Variants in LRSAM1 observed in about 807,000 individuals in gnomAD.
LRSAM1 encodes E3 ubiquitin-protein ligase LRSAM1.
A neutral mutation model predicts 118.1 loss-of-function variants in LRSAM1; 96 were observed. The observed-to-expected ratio is 0.81, with a 90% CI of 0.69 to 0.96. The LOEUF is 0.96. LRSAM1 is among the 40% of genes least tolerant of loss of function. The pLI, the probability that LRSAM1 is intolerant of heterozygous loss-of-function variation, is 0.00. For missense variants in LRSAM1, 804 were observed against 915.5 expected (o/e 0.88, Z 1.57); for synonymous variants, 322 against 364.2 (o/e 0.88, Z 1.32).
chr9:127,451,927 A>T lies in LRSAM1; in HGVS notation c.-188-2A>T, dbSNP rs545234557. 3 of 152,396 alleles carry T rather than the reference A, an allele frequency of 2.0e-5. No homozygotes were observed. The highest frequency in any genetic ancestry group is 7.2e-5 in the African/African-American group (3 of 41,574). 9.4% of individuals were successfully genotyped at this position (152,396 alleles called of 1,614,324 possible). A position where few individuals can be genotyped will look rare whatever the true frequency, so the allele number is the denominator to read the frequency against. ...TATGAGATTCTGAGTTTCTGTTCCC[A>T]GCACCTGCCTTTGAAGGAGACCAGA... On this transcript the variant is annotated splice_acceptor_variant, in intron 1 of 25. Transcript: ENST00000300417. LOFTEE classifies it low-confidence loss of function (5UTR_SPLICE).
intron 23 of LRSAM1, 146 bp from the exon 24 acceptor site, chr9:127,497,107 G>A (rs907576432): frequency 1.4e-5 from 11 of 765,220 alleles, no homozygotes; most frequent in East Asian, 5.4e-5. Flanking sequence ...CATCCTGACC[G>A]TGGGCCCCGC....
chr9:127,478,906 C>T, intron 11 of LRSAM1, 28 bp from the exon 12 acceptor site: 1 of 1,613,902 alleles, frequency 6.2e-7, no homozygotes, highest in Non-Finnish European at 8.5e-7. Context: ...GCCACCCTCT[C>T]TTGACCACTG....
In LRSAM1 at chr9:127,487,944, G is replaced by A. The variant is rs1227237316; in HGVS notation, c.1347+181G>A. On this transcript the variant is annotated intron_variant, in intron 18 of 25. Transcript: ENST00000300417. Reference sequence around the variant, plus strand: ...TGGGAGAGGCTGAGGGGGGGCCCGGGGGATGGTCTTCTGGTCACTAAAATC... The same window carrying A: ...TGGGAGAGGCTGAGGGGGGGCCCGGAGGATGGTCTTCTGGTCACTAAAATC... Among the ~76,000 whole-genome samples, 95 of 152,014 alleles carry A rather than the reference G, an allele frequency of 6.2e-4. 1 individual carries two copies. The highest frequency in any genetic ancestry group is 4.4e-5 in the Non-Finnish European group (3 of 68,014).
In LRSAM1 at chr9:127,491,007, G is replaced by GA. The variant is rs5900748; in HGVS notation, c.1423-208_1423-207insA. On this transcript the variant is annotated intron_variant, in intron 19 of 25. Transcript: ENST00000300417. ...TTTTGGCCACAACAAGCACGTCCAT[G>GA]CCCCAGGAACGCGAGGCCATGAAGG... Among the ~76,000 whole-genome samples, 114,126 of 151,860 alleles carry GA rather than the reference G, an allele frequency of 0.75. 43,226 individuals are homozygous for GA. The highest frequency in any genetic ancestry group is 0.79 in the Non-Finnish European group (53,388 of 67,932).
chr9:127,491,515 G>A (rs1239888581), intron 20 of LRSAM1, among the ~76,000 whole-genome samples: 1 of 152,210 alleles, frequency 6.6e-6, no homozygotes, highest in Non-Finnish European at 1.5e-5. Flanking sequence ...CTGTTGCGAG[G>A]CAGGAGGGTC....
intron 7 of LRSAM1, among the ~76,000 whole-genome samples, chr9:127,460,243 C>T (rs1028925214): frequency 6.6e-6 from 1 of 152,120 alleles, no homozygotes; most frequent in African/African-American, 2.4e-5. Context: ...CATGATCCAC[C>T]CACCTCAGCC....
At chr9:127,473,961 C>CAT (rs774763402) in intron 11 of LRSAM1, 30 bp downstream of exon 11, 19 of 1,613,596 alleles carry the variant, frequency 1.2e-5, no homozygotes, top group Admixed American at 1.7e-5. Context: ...TGCACGCATA[C>CAT]ATGTGTGTGT....
intron 24 of LRSAM1, among the ~76,000 whole-genome samples, chr9:127,498,935 T>C (rs1239455449): frequency 6.6e-6 from 1 of 151,688 alleles, no homozygotes; most frequent in African/African-American, 2.4e-5. Flanking sequence ...GGCGTGCACC[T>C]GTAGTCCCAG....
At position 127,467,847 on chromosome 9, in the gene LRSAM1, G is replaced by GCCTCCTCC; in HGVS notation, c.619+22_619+29dup. The GCCTCCTCC allele has an allele frequency of 1.9e-6, 3 of 1,563,520 alleles. No individual in the cohort carries two copies. The highest frequency in any genetic ancestry group is 2.6e-6 in the Non-Finnish European group (3 of 1,156,828). On this transcript the variant is annotated intron_variant, in intron 10 of 25. Transcript: ENST00000300417. Reference sequence around the variant, plus strand: ...TCTGCAAAGGTAAAGCCAGGCCGCTGCCTCCTCCCCTCATTGAGGAACTAT... The same window carrying GCCTCCTCC: ...TCTGCAAAGGTAAAGCCAGGCCGCTGCCTCCTCCCCTCCTCCCCTCATTGAGGAACTAT...
intron 11 of LRSAM1, among the ~76,000 whole-genome samples, chr9:127,475,317 C>T (rs946883735): frequency 6.6e-6 from 1 of 151,996 alleles, no homozygotes; most frequent in Non-Finnish European, 1.5e-5. Flanking sequence ...GTAGTAAAAC[C>T]CTGTCTCTAC....
chr9:127,455,756 AG>A, intron 5 of LRSAM1, 136 bp downstream of exon 5: 1 of 842,518 alleles, frequency 1.2e-6, no homozygotes, highest in East Asian at 2.6e-5. Flanking sequence ...GGCCTGCAGC[AG>A]GTGTTTTCAC....
chr9:127,478,164 G>A (rs1218814547), intron 11 of LRSAM1, among the ~76,000 whole-genome samples: 5 of 151,356 alleles, frequency 3.3e-5, no homozygotes, highest in African/African-American at 1.2e-4. Context: ...TTACATTATT[G>A]ATGTTTAATA....
At chr9:127,468,446 A>AT (rs1209666930) in intron 10 of LRSAM1, among the ~76,000 whole-genome samples, 1 of 152,170 alleles carries the variant, frequency 6.6e-6, no homozygotes, top group Non-Finnish European at 1.5e-5. Context: ...GGAGAGCAGG[A>AT]TGCCCTGTCA....
chr9:127,476,148 C>T (rs1835343113), intron 11 of LRSAM1, among the ~76,000 whole-genome samples: 1 of 152,200 alleles, frequency 6.6e-6, no homozygotes, highest in South Asian at 2.1e-4. Context: ...GTGTTTATTG[C>T]AGCCTTATTT....
chr9:127,463,833 A>G (rs1564256631), intron 9 of LRSAM1, among the ~76,000 whole-genome samples: 1 of 152,238 alleles, frequency 6.6e-6, no homozygotes, highest in Non-Finnish European at 1.5e-5. Flanking sequence ...AAGACTGGGC[A>G]TAACCTGGAA....
At chr9:127,493,292 G>A (rs1836002770) in intron 21 of LRSAM1, among the ~76,000 whole-genome samples, 1 of 152,124 alleles carries the variant, frequency 6.6e-6, no homozygotes, top group Admixed American at 6.5e-5. Flanking sequence ...CAACTCCCGG[G>A]CTCAAACGAT....
intron 24 of LRSAM1, among the ~76,000 whole-genome samples, chr9:127,497,558 G>A (rs886736963): frequency 4.6e-5 from 7 of 152,220 alleles, no homozygotes; most frequent in East Asian, 3.9e-4. Context: ...AGACCTCCAC[G>A]TAGCAGTGGA....
chr9:127,455,851 T>C (rs1834496362), intron 5 of LRSAM1, among the ~76,000 whole-genome samples: 1 of 152,180 alleles, frequency 6.6e-6, no homozygotes, highest in African/African-American at 2.4e-5. Context: ...TTGGGCAACT[T>C]CCTTAAACTC....
chr9:127,503,218 C>G lies in LRSAM1; in HGVS notation c.*319C>G. ...GCCTCCCAGCTGTCTTGACTGAAGG[C>G]CACCGCCCCTGCAGGAGCTTGGGTC... On this transcript the variant is annotated 3_prime_UTR_variant, in exon 26 of 26. Coordinates refer to ENST00000300417, the MANE Select transcript of LRSAM1 (RefSeq NM_001005373.4). 1 of 399,860 alleles carries G rather than the reference C, an allele frequency of 2.5e-6. No homozygotes were observed. The highest frequency in any genetic ancestry group is 4.8e-6 in the Non-Finnish European group (1 of 209,790). The allele number at this position is 399,860 out of a possible 1,614,324, so 24.8% of individuals were successfully genotyped here.
Sources: gnomAD v4.1 joint callset for allele counts (sites outside exome capture counted in the v4.1 genomes callset) on GRCh38, gnomAD v4.1.1 for gene constraint, MANE v1.5 for transcripts, NCBI Gene and HGNC (gene_info 2026-07-23, HGNC 2026-07-21) for gene names.